Variants in POMGNT1 observed in about 807,000 individuals in gnomAD.
The protein encoded by POMGNT1 is protein O-linked mannose N-acetylglucosaminyltransferase 1 (beta 1,2-).
A neutral mutation model predicts 95.6 loss-of-function variants in POMGNT1; 67 were observed. The ratio of observed to expected loss-of-function variants is 0.70; its 90% confidence interval spans 0.58 to 0.86. The LOEUF is 0.86. Ranked by LOEUF, POMGNT1 falls within the 40% of genes least tolerant of loss-of-function variation. The pLI is 0.00. For synonymous variants in POMGNT1, 298 were observed against 317.9 expected (o/e 0.94, Z 0.66); for missense variants, 719 against 855.2 (o/e 0.84, Z 1.99).
At chr1:46,198,534 G>GGCGGCGGTGGCGGCA (rs1553164434), upstream of POMGNT1, 15 of 145,390 alleles carry the variant, frequency 1.0e-4, no homozygotes, top group Middle Eastern at 3.0e-3. Context: ...CGGCGGCGGC[G>GGCGGCGGTGGCGGCA]GCGGCGGTGG....
chr1:46,213,409 A>G (rs1658966036), intron 1 of POMGNT1, among the ~76,000 whole-genome samples: 1 of 139,588 alleles, frequency 7.2e-6, no homozygotes, highest in South Asian at 2.3e-4. Flanking sequence ...TTACCCTGTC[A>G]TATTTGCACG....
In POMGNT1 at chr1:46,197,058, C is replaced by T. The variant is rs1360580339; in HGVS notation, c.147G>A (p.Val49=). ...TCAACTTGATATTGACAATGACAGT[C>T]ACCAGCAGGAAAAGCACGGCCCCTG... The part of the protein sequence containing the change: ...CQTGAVLFLL[V]TVIVNIKLIL... Residue 49 remains valine (V), a synonymous_variant, in exon 3 of 22, where the codon GTG becomes GTA. Coordinates refer to ENST00000371984, the MANE Select transcript of POMGNT1 (RefSeq NM_017739.4). 2 of 1,614,138 alleles carry T rather than the reference C, an allele frequency of 1.2e-6. No individual in the cohort carries two copies. The highest frequency in any genetic ancestry group is 2.2e-5 in the South Asian group (2 of 91,048).
rs1657867590 is a variant in POMGNT1 at position 46,192,556 on chromosome 1, C to G, written c.1246G>C (p.Asp416His). The change falls in exon 15 of 22, where the codon GAT (aspartate) becomes CAT (histidine). Residue 416 changes from aspartate (D) to histidine (H), a missense_variant. By Grantham distance (81) the Asp-to-His change is moderately conservative (BLOSUM62 -1). Coordinates refer to ENST00000371984, the MANE Select transcript of POMGNT1 (RefSeq NM_017739.4). ...GCAGAGATGCAGTACAGGCTGTCAT[C>G]CTCCTCCAGTAGGTGGATGGATTGG... ...LSQSIHLLEE[D>H]DSLYCISAWN... is the part of the protein sequence containing the mutation. 6.2e-7 allele frequency: 1 copy of G among 1,614,164 alleles called. No homozygotes were observed. The highest frequency in any genetic ancestry group is 8.5e-7 in the Non-Finnish European group (1 of 1,180,020).
intron 1 of POMGNT1, among the ~76,000 whole-genome samples, chr1:46,203,808 C>A (rs1007250506): frequency 1.3e-5 from 2 of 152,058 alleles, no homozygotes; most frequent in Admixed American, 6.6e-5. Flanking sequence ...CATTACTTGT[C>A]CCCCAAGAGT....
At chr1:46,191,141 G>A (rs1657737702) in intron 17 of POMGNT1, 2 of 347,754 alleles carry the variant, frequency 5.8e-6, no homozygotes, top group Non-Finnish European at 1.1e-5. Flanking sequence ...GGGACGGGCT[G>A]GGCTGGGAAG....
At position 46,217,119 on chromosome 1, in the gene POMGNT1, C is replaced by A. The variant is rs536307803; in HGVS notation, c.-51+2586G>T. Reference sequence around the variant, plus strand: ...TAAATGAAAAAAGAAGATATGGAATCTAAGAAACGAGGGATCCAGCTAAGG... The same window carrying A: ...TAAATGAAAAAAGAAGATATGGAATATAAGAAACGAGGGATCCAGCTAAGG... On this transcript the variant is annotated intron_variant, in intron 1 of 22. Coordinates refer to the POMGNT1 transcript ENST00000371992. Among the ~76,000 whole-genome samples the A allele has an allele frequency of 2.6e-5, 4 of 152,240 alleles. No individual in the cohort carries two copies. The South Asian group carries it at 8.3e-4, about 32-fold the overall frequency.
At chr1:46,217,582 G>A (rs111748380) in intron 1 of POMGNT1, among the ~76,000 whole-genome samples, 1,526 of 152,154 alleles carry the variant, frequency 0.01, 22 homozygotes, top group African/African-American at 0.034. Flanking sequence ...CTGCCTGGGC[G>A]TGGTGGTTCA....
Position 46,193,838 on chromosome 1 carries a change from C to G in POMGNT1, c.950+17G>C, listed in dbSNP as rs1347960482. The G allele has an allele frequency of 6.2e-7, 1 of 1,613,692 alleles. No individual in the cohort carries two copies. Among genetic ancestry groups the G allele is most frequent in the Non-Finnish European group, 8.5e-7 (1 of 1,179,848 alleles). ...CCCTCCTGTTCAGTGCTGGGTATAGCCCATTCCCAGGCTTACCTGTACAGG... is the reference window on the plus strand; with the variant it reads ...CCCTCCTGTTCAGTGCTGGGTATAGGCCATTCCCAGGCTTACCTGTACAGG... On this transcript the variant is annotated intron_variant, in intron 10 of 21. Coordinates refer to ENST00000371984, the MANE Select transcript of POMGNT1 (RefSeq NM_017739.4).
intron 1 of POMGNT1, among the ~76,000 whole-genome samples, chr1:46,210,970 G>A (rs1443098043): frequency 6.7e-6 from 1 of 148,226 alleles, no homozygotes; most frequent in Non-Finnish European, 1.5e-5. Context: ...GGTAGAGACA[G>A]GGTTTCCCTG....
chr1:46,218,704 G>A (rs1225107296), intron 1 of POMGNT1, among the ~76,000 whole-genome samples: 1 of 152,134 alleles, frequency 6.6e-6, no homozygotes, highest in East Asian at 1.9e-4. Flanking sequence ...GAGCTGGAAC[G>A]GACGCTTGAG....
intron 7 of POMGNT1, 26 bp downstream of exon 7, chr1:46,194,818 G>A (rs1468082343): frequency 6.2e-7 from 1 of 1,613,684 alleles, no homozygotes; most frequent in Non-Finnish European, 8.5e-7. Flanking sequence ...TGATACTACA[G>A]AGTGGATGGC....
chr1:46,219,309 AAG>A (rs1369608652), intron 1 of POMGNT1, among the ~76,000 whole-genome samples: 2 of 152,104 alleles, frequency 1.3e-5, no homozygotes, highest in Non-Finnish European at 2.9e-5. Flanking sequence ...AAAAAAAAAA[AAG>A]AAGTACCCTA....
intron 19 of POMGNT1, 35 bp from the exon 20 acceptor site, chr1:46,190,024 G>C: frequency 1.2e-6 from 2 of 1,612,582 alleles, no homozygotes; most frequent in Non-Finnish European, 1.7e-6. Context: ...AGCCAAGACA[G>C]GGCCCACTTC....
At chr1:46,195,787 C>T (rs756829237) in intron 6 of POMGNT1, 24 bp downstream of exon 6, 1 of 1,562,070 alleles carries the variant, frequency 6.4e-7, no homozygotes, top group East Asian at 2.3e-5. Context: ...GAGTAGGGGT[C>T]AGGGTCAGGA....
Position 46,194,933 on chromosome 1 carries a change from G to A in POMGNT1, c.563C>T (p.Thr188Ile). 1.2e-6 allele frequency: 2 copies of A among 1,614,144 alleles called. No individual in the cohort carries two copies. Among genetic ancestry groups the A allele is most frequent in the Non-Finnish European group, 1.7e-6 (2 of 1,180,050 alleles). Residue 188 changes from threonine to isoleucine, a missense_variant, in exon 7 of 22, where the codon ACA becomes ATA. Physicochemically the swap from Thr to Ile is moderately conservative, Grantham distance 89. Around this residue, in one of 5 missense-constraint regions of POMGNT1, gnomAD observed 466 missense variants for 517.4 expected, o/e 0.90. Transcript: ENST00000371984. ...KDEGSFHLKD[T>I]AKALLRSLGS... ...CAGGCTCCTCAGCAGAGCCTTGGCT[G>A]TGTCCTTGAGGTGGAAGGAGCCCTC...
At chr1:46,215,062 T>C (rs1257903600) in intron 1 of POMGNT1, among the ~76,000 whole-genome samples, 1 of 151,714 alleles carries the variant, frequency 6.6e-6, no homozygotes, top group Non-Finnish European at 1.5e-5. Flanking sequence ...CTGTCTGTAC[T>C]AAAGATACAA....
chr1:46,211,619 AACCTTT>A (rs1480244941), intron 1 of POMGNT1, among the ~76,000 whole-genome samples: 4 of 152,220 alleles, frequency 2.6e-5, no homozygotes, highest in African/African-American at 9.6e-5. Context: ...TCTCATGACA[AACCTTT>A]AGATAGTACC....
intron 2 of POMGNT1, chr1:46,197,447 G>A: frequency 2.0e-6 from 3 of 1,491,390 alleles, no homozygotes; most frequent in Non-Finnish European, 2.7e-6. Context: ...TCACAGGGGT[G>A]TGCCTCTCTG....
chr1:46,209,974 A>G (rs1658842469), intron 1 of POMGNT1, among the ~76,000 whole-genome samples: 1 of 152,172 alleles, frequency 6.6e-6, no homozygotes, highest in African/African-American at 2.4e-5. Flanking sequence ...TTCACTGTTC[A>G]TATATTTGTC....
Sources: allele counts gnomAD v4.1 joint callset (sites outside exome capture counted in the v4.1 genomes callset), GRCh38; gene constraint gnomAD v4.1.1; regional missense constraint gnomAD v4.1.1; transcripts MANE v1.5; gene names NCBI Gene and HGNC (gene_info 2026-07-23, HGNC 2026-07-21).